Variants in HLCS observed in about 807,000 individuals in gnomAD.
The protein encoded by HLCS is holocarboxylase synthetase, also known as biotin--protein ligase.
A neutral mutation model predicts 75.0 loss-of-function variants in HLCS; 53 were observed. The ratio of observed to expected loss-of-function variants is 0.71; its 90% CI spans 0.57 to 0.89. The LOEUF is 0.89. HLCS is among the 40% of genes least tolerant of loss of function. The pLI is 0.00. For synonymous variants in HLCS, 431 were observed against 428.6 expected (o/e 1.01, Z -0.07); for missense variants, 966 against 1,074.0 (o/e 0.90, Z 1.41).
intron 6 of HLCS, among the ~76,000 whole-genome samples, chr21:36,777,013 A>G (rs988863233): frequency 6.6e-5 from 10 of 152,182 alleles, no homozygotes; most frequent in African/African-American, 2.4e-4. Context: ...CCCCTTCCCC[A>G]ACAGTTTCCT....
intron 6 of HLCS, among the ~76,000 whole-genome samples, chr21:36,826,215 G>C (rs1315533364): frequency 6.6e-6 from 1 of 152,102 alleles, no homozygotes; most frequent in Non-Finnish European, 1.5e-5. Flanking sequence ...GCCAACATTT[G>C]AAATACAGGT....
chr21:36,930,243 CA>C lies in HLCS; in HGVS notation c.1620+7del, dbSNP rs140568778. ...AGCGCGCTCTGCCCAGCTGAGCCCA[CA>C]ACTCACCTCCGCAGCTGACAGCAAG... On this transcript the variant is annotated splice_region_variant and intron_variant, in intron 5 of 10. Transcript: ENST00000674895. The C allele has an allele frequency of 0.17, 271,520 of 1,613,368 alleles. 25,229 individuals are homozygous for C. The highest frequency in any genetic ancestry group is 0.19 in the Non-Finnish European group (228,145 of 1,179,310).
chr21:36,894,583 G>A (rs928171925), intron 6 of HLCS, among the ~76,000 whole-genome samples: 1 of 152,188 alleles, frequency 6.6e-6, no homozygotes, highest in Non-Finnish European at 1.5e-5. Flanking sequence ...AACAGCGGAT[G>A]CAGGGCATCT....
intron 6 of HLCS, among the ~76,000 whole-genome samples, chr21:36,852,968 A>G (rs1336315925): frequency 6.6e-6 from 1 of 152,212 alleles, no homozygotes; most frequent in Non-Finnish European, 1.5e-5. Context: ...GAAGAAGGAG[A>G]AGGAGGGAAA....
chr21:36,767,308 G>A (rs762845257), intron 6 of HLCS, 23 bp from the exon 7 acceptor site: 22 of 1,612,484 alleles, frequency 1.4e-5, no homozygotes, highest in African/African-American at 5.3e-5. Context: ...GGGAAAGACC[G>A]GTTAGGCCAG....
At chr21:36,805,289 G>A (rs2061329686) in intron 6 of HLCS, among the ~76,000 whole-genome samples, 1 of 152,180 alleles carries the variant, frequency 6.6e-6, no homozygotes, top group Non-Finnish European at 1.5e-5. Flanking sequence ...TCCATCAAGA[G>A]TAACAGCAGA....
chr21:36,978,564 ATTAAACTGCAGCC>A (rs1013245177), intron 1 of HLCS, among the ~76,000 whole-genome samples: 7 of 151,988 alleles, frequency 4.6e-5, no homozygotes, highest in Non-Finnish European at 8.8e-5. Context: ...AAGCGTCCTG[ATTAAACTGCAGCC>A]TGAGGACTGC....
chr21:36,764,977 C>T (rs770721106), intron 8 of HLCS, 35 bp downstream of exon 8: 2 of 1,610,478 alleles, frequency 1.2e-6, no homozygotes, highest in Admixed American at 1.7e-5. Flanking sequence ...CTGCATGCAT[C>T]CCAGGGACAT....
rs1284950495 is a variant in HLCS, at chr21:36,938,887, C to T, written c.438G>A (p.Ala146=). 1.7e-5 allele frequency: 27 copies of T among 1,613,870 alleles called. No individual in the cohort carries two copies. Among genetic ancestry groups the T allele is most frequent in the Non-Finnish European group, 2.1e-5 (25 of 1,179,992 alleles). Residue 146 remains alanine (A), a synonymous_variant, in exon 3 of 11, where the codon GCG becomes GCA. Transcript: ENST00000674895. The stretch of plus-strand genomic sequence containing the variant: ...CCATGTGGAGTCTATCTTCCATGAA[C>T]GCCACCCCCAGCTTGCTGAAGTTGT... The part of the protein sequence containing the change: ...SVDNFSKLGV[A]FMEDRLHMDN...
At chr21:36,867,178 G>A (rs187302284) in intron 6 of HLCS, among the ~76,000 whole-genome samples, 10 of 152,276 alleles carry the variant, frequency 6.6e-5, no homozygotes, top group Admixed American at 4.6e-4. Context: ...TATATCTGGG[G>A]GGCAGAGTTC....
Position 36,937,218 on chromosome 21 carries a change from C to T in HLCS, c.668G>A (p.Arg223Lys), listed in dbSNP as rs1288289854. ...CTCACTCCCAGAGGCACTGCCTCTC[C>T]TTTGTTTGGGTTCTTCACCAAGAGC... The part of the protein sequence containing the change: ...PKALGEEPKQ[R>K]RGSASGSEPA... The change falls in exon 4 of 11, where the codon AGG becomes AAG. Residue 223 changes from arginine (R) to lysine (K), a missense_variant. Coordinates refer to ENST00000674895, the MANE Select transcript of HLCS (RefSeq NM_001352514.2). 5 of 1,614,046 alleles carry T rather than the reference C, an allele frequency of 3.1e-6. No homozygotes were observed. Among genetic ancestry groups the T allele is most frequent in the Non-Finnish European group, 4.2e-6 (5 of 1,180,022 alleles).
chr21:36,755,824 C>T (rs2089546625), intron 10 of HLCS, among the ~76,000 whole-genome samples: 1 of 152,236 alleles, frequency 6.6e-6, no homozygotes, highest in African/African-American at 2.4e-5. Flanking sequence ...GTGCTGGGCC[C>T]AGCCCAGGGG....
chr21:36,848,525 T>C (rs1448500821), intron 6 of HLCS, among the ~76,000 whole-genome samples: 1 of 152,058 alleles, frequency 6.6e-6, no homozygotes, highest in East Asian at 1.9e-4. Flanking sequence ...TGCCTCAGCC[T>C]CCAAAGTGCT....
At chr21:36,852,288 A>C (rs778101916) in intron 6 of HLCS, among the ~76,000 whole-genome samples, 1 of 152,244 alleles carries the variant, frequency 6.6e-6, no homozygotes, top group Admixed American at 6.5e-5. Context: ...ATCAGCTGTT[A>C]GTAAATCTAA....
chr21:36,981,828 T>C (rs2069127710), intron 1 of HLCS, among the ~76,000 whole-genome samples: 1 of 152,174 alleles, frequency 6.6e-6, no homozygotes, highest in South Asian at 2.1e-4. Flanking sequence ...ACTTGCAGCC[T>C]CTCCTTCTCA....
intron 5 of HLCS, 33 bp downstream of exon 5, chr21:36,930,218 A>G: frequency 1.3e-6 from 2 of 1,598,812 alleles, no homozygotes; most frequent in Non-Finnish European, 1.7e-6. Context: ...GCCACGTCAC[A>G]GCGCGCTCTG....
chr21:36,832,167 C>T (rs1169458043), intron 6 of HLCS, among the ~76,000 whole-genome samples: 2 of 152,184 alleles, frequency 1.3e-5, no homozygotes, highest in African/African-American at 4.8e-5. Context: ...CGGCGCCTCT[C>T]CTCTGTCCTA....
chr21:36,892,525 G>T (rs2064835268), intron 6 of HLCS, among the ~76,000 whole-genome samples: 1 of 152,182 alleles, frequency 6.6e-6, no homozygotes. Flanking sequence ...AGAGAAAACG[G>T]CACATCATCC....
intron 6 of HLCS, among the ~76,000 whole-genome samples, chr21:36,826,434 A>C (rs2062011202): frequency 6.6e-6 from 1 of 152,210 alleles, no homozygotes; most frequent in African/African-American, 2.4e-5. Flanking sequence ...GTTATGCTTC[A>C]CTGGAGCAGG....
Sources: allele counts gnomAD v4.1 joint callset (sites outside exome capture counted in the v4.1 genomes callset), GRCh38; gene constraint gnomAD v4.1.1; transcripts MANE v1.5; gene names NCBI Gene and HGNC (gene_info 2026-07-23, HGNC 2026-07-21).